ITPRID2: variants seen among roughly 807,000 people sequenced by gnomAD.
ITPRID2 encodes the protein protein ITPRID2.
A neutral mutation model predicts 124.3 loss-of-function variants in ITPRID2; 60 were observed. That is an observed-to-expected ratio of 0.48 (90% CI 0.39 to 0.60). The LOEUF is 0.60. Ranked by LOEUF, ITPRID2 falls within the 20% of genes least tolerant of loss-of-function variation. The pLI is 0.00. For synonymous variants in ITPRID2, 521 were observed against 542.9 expected, an observed-to-expected ratio of 0.96 and a Z score of 0.56; for missense variants, 1,553 against 1,512.2, an observed-to-expected ratio of 1.03 and a Z score of -0.45.
chr2:181,929,212 A>T (rs1262221432), intron 17 of ITPRID2, among the ~76,000 whole-genome samples: 1 of 151,650 alleles, frequency 6.6e-6, no homozygotes, highest in East Asian at 1.9e-4. Context: ...TATTAATAAT[A>T]ATTCTTGGTG....
chr2:181,919,468 C>T lies in ITPRID2; in HGVS notation c.3144+22C>T, dbSNP rs545913516. ...CATGGTACGCTACCTGGAGGGTGGT[C>T]GGAGTTTTCACCAAAGGTTTATTTA... On this transcript the variant is annotated intron_variant, in intron 14 of 17. Coordinates refer to ENST00000431877, the MANE Select transcript of ITPRID2 (RefSeq NM_001130445.3). This position sits in a 1 kb window ranked among gnomAD's most constrained non-coding sequence, Gnocchi z 4.2. 2.6e-5 allele frequency: 39 copies of T among 1,519,310 alleles called. No individual in the cohort carries two copies. Among genetic ancestry groups the T allele is most frequent in the Middle Eastern group, 2.2e-4 (1 of 4,618 alleles). The allele number at this position is 1,519,310 out of a possible 1,614,324, so 94.1% of individuals were successfully genotyped here.
intron 8 of ITPRID2, 66 bp from the exon 9 acceptor site, chr2:181,909,833 A>T: frequency 8.4e-7 from 1 of 1,189,086 alleles, no homozygotes; most frequent in South Asian, 1.3e-5. Flanking sequence ...ATAGATATTT[A>T]TTCAAGAAGT....
At chr2:181,920,317 T>C (rs1694388283) in intron 14 of ITPRID2, among the ~76,000 whole-genome samples, 1 of 152,304 alleles carries the variant, frequency 6.6e-6, no homozygotes, top group Admixed American at 6.5e-5. Context: ...ATGGTTTTGA[T>C]TTATCATTCT....
chr2:181,911,991 A>G (rs1358959464), intron 9 of ITPRID2, among the ~76,000 whole-genome samples: 2 of 152,198 alleles, frequency 1.3e-5, no homozygotes, highest in African/African-American at 4.8e-5. Flanking sequence ...TGTGAGGTGA[A>G]CTTGGCAGAC....
At chr2:181,894,157 G>C (rs1350936168) in intron 2 of ITPRID2, 1 of 152,140 alleles carries the variant, frequency 6.6e-6, no homozygotes, top group Non-Finnish European at 1.5e-5. Context: ...TAAAAATTAA[G>C]AACAAGAGAA....
intron 11 of ITPRID2, chr2:181,916,796 C>G: frequency 5.0e-6 from 5 of 1,001,196 alleles, no homozygotes; most frequent in Non-Finnish European, 6.0e-6. Flanking sequence ...CTCTCTTTCT[C>G]TCTGCTATTT....
rs1695152914 is a variant in ITPRID2 at position 181,929,801 on chromosome 2, A to G, written c.*254A>G. On this transcript the variant is annotated 3_prime_UTR_variant, in exon 18 of 18. Coordinates refer to ENST00000431877, the MANE Select transcript of ITPRID2 (RefSeq NM_001130445.3). ...TTTGAAAAGCCTAATATTTATTTGT[A>G]TGTCAGTATTTTTCATTTGATTCCC... 2.0e-6 allele frequency: 1 copy of G among 489,950 alleles called. No homozygotes were observed. Among genetic ancestry groups the G allele is most frequent in the African/African-American group, 2.0e-5 (1 of 50,432 alleles). 30.4% of individuals were successfully genotyped at this position (489,950 alleles called of 1,614,324 possible). A position where few individuals can be genotyped will look rare whatever the true frequency, so the allele number is the denominator to read the frequency against.
Position 181,918,665 on chromosome 2 carries a change from C to G in ITPRID2, c.2855C>G (p.Pro952Arg). Reference sequence around the variant, plus strand: ...AGTACTCAGAAATCATCTGTTCTACCTCTTTATGAAGTAAGTTCTTTCTTA... The same window carrying G: ...AGTACTCAGAAATCATCTGTTCTACGTCTTTATGAAGTAAGTTCTTTCTTA... ...PYSTQKSSVL[P>R]LYENTFQELQ... The change falls in exon 12 of 18, where the codon CCT (proline) becomes CGT (arginine). Residue 952 changes from proline to arginine, a missense_variant. Pro to Arg is a moderately radical substitution (Grantham distance 103). Transcript: ENST00000431877. 1 of 1,614,050 alleles carries G rather than the reference C, an allele frequency of 6.2e-7. No individual in the cohort carries two copies. Among genetic ancestry groups the G allele is most frequent in the Non-Finnish European group, 8.5e-7 (1 of 1,179,960 alleles).
In ITPRID2 at chr2:181,929,819, T is replaced by A; in HGVS notation, c.*272T>A. The stretch of plus-strand genomic sequence containing the variant: ...TATTTGTATGTCAGTATTTTTCATT[T>A]GATTCCCTATTAGAATTAATTTTAA... On this transcript the variant is annotated 3_prime_UTR_variant, in exon 18 of 18. Transcript: ENST00000431877. 1 of 434,706 alleles carries A rather than the reference T, an allele frequency of 2.3e-6. No individual in the cohort carries two copies. The highest frequency in any genetic ancestry group is 4.1e-6 in the Non-Finnish European group (1 of 245,238). The allele number at this position is 434,706 out of a possible 1,614,324, so 26.9% of individuals were successfully genotyped here.
chr2:181,896,534 T>C lies in ITPRID2; in HGVS notation c.308-374T>C, dbSNP rs1321761244. ...GTGGCAAGGCATATAAAAAAACATTTACAGTGTCAGGAAAATCCAGCTCCT... is the reference window on the plus strand; with the variant it reads ...GTGGCAAGGCATATAAAAAAACATTCACAGTGTCAGGAAAATCCAGCTCCT... On this transcript the variant is annotated intron_variant, in intron 3 of 17. Transcript: ENST00000431877. The surrounding 1 kb of genome is among the most constrained non-coding windows in gnomAD (Gnocchi z 4.3). Among the ~76,000 whole-genome samples the C allele has an allele frequency of 1.3e-5, 2 of 151,964 alleles. No homozygotes were observed. The highest frequency in any genetic ancestry group is 2.9e-5 in the Non-Finnish European group (2 of 67,868).
chr2:181,913,314 G>A (rs150515539), intron 9 of ITPRID2, among the ~76,000 whole-genome samples: 11 of 152,186 alleles, frequency 7.2e-5, no homozygotes, highest in Admixed American at 5.2e-4. Flanking sequence ...TGATCCGCCC[G>A]CCTCAGCCTC....
At chr2:181,928,349 A>G in intron 17 of ITPRID2, 71 bp downstream of exon 17, 1 of 939,554 alleles carries the variant, frequency 1.1e-6, no homozygotes, top group Non-Finnish European at 1.6e-6. Context: ...TTGTTTTGTT[A>G]GTATACAGGT....
In ITPRID2 at chr2:181,896,780, G is replaced by A; in HGVS notation, c.308-128G>A. 1.4e-6 allele frequency: 1 copy of A among 721,812 alleles called. No individual in the cohort carries two copies. Among genetic ancestry groups the A allele is most frequent in the Non-Finnish European group, 2.5e-6 (1 of 405,848 alleles). 44.7% of individuals were successfully genotyped at this position (721,812 alleles called of 1,614,324 possible). ...GTTATATAATCAGAATAATGTCTGA[G>A]TACATTCAAGTCTGAAAGATTTTAC... On this transcript the variant is annotated intron_variant, in intron 3 of 17. Coordinates refer to ENST00000431877, the MANE Select transcript of ITPRID2 (RefSeq NM_001130445.3). This position sits in a 1 kb window ranked among gnomAD's most constrained non-coding sequence, Gnocchi z 4.3.
chr2:181,923,747 G>A (rs1694657112), intron 16 of ITPRID2, among the ~76,000 whole-genome samples: 1 of 151,502 alleles, frequency 6.6e-6, no homozygotes, highest in African/African-American at 2.4e-5. Context: ...AGTTTTCTTT[G>A]AAAACTTTAT....
chr2:181,892,870 G>C lies in ITPRID2; in HGVS notation c.257+210G>C. 1 of 613,290 alleles carries C rather than the reference G, an allele frequency of 1.6e-6. No homozygotes were observed. Among genetic ancestry groups the C allele is most frequent in the Non-Finnish European group, 2.9e-6 (1 of 345,100 alleles). The allele number at this position is 613,290 out of a possible 1,614,324, so 38.0% of individuals were successfully genotyped here. A position where few individuals can be genotyped will look rare whatever the true frequency, so the allele number is the denominator to read the frequency against. ...ATTTGGTGACCGTGTTGACTTTACA[G>C]TTAGGACTTGAGCTACTCACGCATC... On this transcript the variant is annotated intron_variant, in intron 2 of 17. Coordinates refer to ENST00000431877, the MANE Select transcript of ITPRID2 (RefSeq NM_001130445.3). This position sits in a 1 kb window ranked among gnomAD's most constrained non-coding sequence, Gnocchi z 5.2.
chr2:181,899,166 C>T, intron 6 of ITPRID2, 54 bp downstream of exon 6: 8 of 1,259,822 alleles, frequency 6.4e-6, no homozygotes, highest in Non-Finnish European at 8.9e-6. Context: ...ATGACCTACT[C>T]TTATCATTTT....
In ITPRID2 at chr2:181,916,977, C is replaced by G. The variant is rs76073669; in HGVS notation, c.2787+550C>G. On this transcript the variant is annotated intron_variant, in intron 11 of 17. Transcript: ENST00000431877. ...CTTCCACTGGACTCAAAGACTGGAA[C>G]TACTCCAGACCAGAAAATAACAAAT... 1,251 of 986,484 alleles carry G rather than the reference C, an allele frequency of 1.3e-3. 21 individuals carry two copies. The East Asian group carries it at 0.059, about 46-fold the overall frequency. The allele number at this position is 986,484 out of a possible 1,614,324, so 61.1% of individuals were successfully genotyped here. A position where few individuals can be genotyped will look rare whatever the true frequency, so the allele number is the denominator to read the frequency against.
At chr2:181,911,382 C>T (rs879432237) in intron 9 of ITPRID2, among the ~76,000 whole-genome samples, 2 of 152,188 alleles carry the variant, frequency 1.3e-5, no homozygotes, top group Non-Finnish European at 2.9e-5. Flanking sequence ...CCAAGATTTA[C>T]ATACTGAAGC....
chr2:181,897,565 T>C (rs1692305303), intron 4 of ITPRID2, among the ~76,000 whole-genome samples: 3 of 151,996 alleles, frequency 2.0e-5, no homozygotes, highest in African/African-American at 7.2e-5. Flanking sequence ...AGTAGATTTA[T>C]AATAAAGCTT....
Sources: gnomAD v4.1 joint callset for allele counts (sites outside exome capture counted in the v4.1 genomes callset) on GRCh38, gnomAD v4.1.1 for gene constraint, Gnocchi (gnomAD v3.1) non-coding constraint, MANE v1.5 for transcripts, NCBI Gene and HGNC (gene_info 2026-07-23, HGNC 2026-07-21) for gene names.